The following LHX6 variants were observed in gnomAD, a reference collection of about 807,000 sequenced individuals.
LHX6 encodes LIM homeobox 6, also known as LIM/homeobox protein Lhx6.
LHX6 carries 15 observed loss-of-function variants against 47.1 expected under a neutral mutation model. The observed-to-expected ratio is 0.32, with a 90% confidence interval of 0.21 to 0.49. LHX6 has a LOEUF of 0.49. Ranked by LOEUF, LHX6 falls within the 20% of genes least tolerant of loss-of-function variation. The pLI is 0.99. For synonymous variants in LHX6, 242 were observed against 233.5 expected (o/e 1.04, Z -0.33); for missense variants, 404 against 539.6 (o/e 0.75, Z 2.49).
At chr9:122,204,920 C>T (rs758298461) in intron 9 of LHX6, 140 bp from the exon 10 acceptor site, 4 of 518,848 alleles carry the variant, frequency 7.7e-6, no homozygotes, top group Non-Finnish European at 6.6e-6. Context: ...TGTCAACTGA[C>T]TTGCTGTGGG....
Position 122,213,962 on chromosome 9 carries a change from C to T in LHX6, c.879+12G>A, listed in dbSNP as rs749412618. 1.2e-5 allele frequency: 19 copies of T among 1,572,376 alleles called. No individual in the cohort carries two copies. The highest frequency in any genetic ancestry group is 1.6e-5 in the Non-Finnish European group (18 of 1,154,970). The stretch of plus-strand genomic sequence containing the variant: ...GCCCGCGGTCCCCAGGCCCCGCCCA[C>T]CCCCGTCCCACCTGGATGACTCTCC... On this transcript the variant is annotated intron_variant, in intron 7 of 9. Transcript: ENST00000394319. This position sits in a 1 kb window ranked among gnomAD's most constrained non-coding sequence, Gnocchi z 5.5.
At chr9:122,212,509 C>G (rs867846755) in intron 8 of LHX6, among the ~76,000 whole-genome samples, 3 of 152,162 alleles carry the variant, frequency 2.0e-5, no homozygotes, top group Non-Finnish European at 4.4e-5. Context: ...CTGTGTGCAT[C>G]GCAGTCATTT....
chr9:122,206,557 A>T (rs1159539177), intron 9 of LHX6, among the ~76,000 whole-genome samples: 1 of 152,218 alleles, frequency 6.6e-6, no homozygotes, highest in Non-Finnish European at 1.5e-5. Context: ...CAGCCCAGCA[A>T]GGGAAAACTC....
intron 1 of LHX6, 192 bp from the exon 2 acceptor site, chr9:122,227,672 G>T: frequency 8.0e-7 from 1 of 1,254,920 alleles, no homozygotes; most frequent in East Asian, 3.1e-5. Flanking sequence ...AATTTGGATT[G>T]GATTTTTTCC....
Position 122,214,529 on chromosome 9 carries a change from G to A in LHX6, c.683-146C>T, listed in dbSNP as rs1830525895. On this transcript the variant is annotated intron_variant, in intron 5 of 9. Coordinates refer to ENST00000394319, the MANE Select transcript of LHX6 (RefSeq NM_014368.5). The surrounding 1 kb of genome is among the most constrained non-coding windows in gnomAD (Gnocchi z 4.6). ...GGGATCCCAGGGTCCTAGTCCCTGA[G>A]CTCAGTCTTTGGGGAAGGGGTTTCT... 4.2e-6 allele frequency: 5 copies of A among 1,197,306 alleles called. No individual in the cohort carries two copies. The highest frequency in any genetic ancestry group is 5.5e-6 in the Non-Finnish European group (5 of 906,250). 74.2% of individuals were successfully genotyped at this position (1,197,306 alleles called of 1,614,324 possible).
chr9:122,213,648 G>C lies in LHX6; in HGVS notation c.1012C>G (p.Pro338Ala), dbSNP rs769359783. 5 of 1,609,722 alleles carry C rather than the reference G, an allele frequency of 3.1e-6. No individual in the cohort carries two copies. Among genetic ancestry groups the C allele is most frequent in the Non-Finnish European group, 3.4e-6 (4 of 1,178,406 alleles). ...AGGGTGACCATGCGCGCCCGCTCGGGGCTGCTGAACGGGGTGTAGTGGATG... is the reference window on the plus strand; with the variant it reads ...AGGGTGACCATGCGCGCCCGCTCGGCGCTGCTGAACGGGGTGTAGTGGATG... ...DDIHYTPFSS[P>A]ERARMVTLHG... The change falls in exon 8 of 10, where the codon CCC becomes GCC. Residue 338 changes from proline (P) to alanine (A), a missense_variant. Transcript: ENST00000394319. The surrounding 1 kb of genome is among the most constrained non-coding windows in gnomAD (Gnocchi z 5.5).
rs774502616 is a variant in LHX6, at chr9:122,213,900, C to A, written c.879+74G>T. 1 of 1,525,470 alleles carries A rather than the reference C, an allele frequency of 6.6e-7. No homozygotes were observed. The highest frequency in any genetic ancestry group is 8.9e-7 in the Non-Finnish European group (1 of 1,124,916). 94.5% of individuals were successfully genotyped at this position (1,525,470 alleles called of 1,614,324 possible). ...GAAGGATGGCCACGTGCACGCACCACCCTCCGCGCCGAGCCCAGCTACGAG... is the reference window on the plus strand; with the variant it reads ...GAAGGATGGCCACGTGCACGCACCAACCTCCGCGCCGAGCCCAGCTACGAG... On this transcript the variant is annotated intron_variant, in intron 7 of 9. Transcript: ENST00000394319. The surrounding 1 kb of genome is among the most constrained non-coding windows in gnomAD (Gnocchi z 5.5).
chr9:122,227,346 C>G, intron 2 of LHX6, 63 bp downstream of exon 2: 6 of 1,406,452 alleles, frequency 4.3e-6, no homozygotes, highest in Non-Finnish European at 4.7e-6. Context: ...GAAAACCTGG[C>G]CAGGTCCCCA....
Position 122,228,654 on chromosome 9 carries a change from C to T in LHX6, c.84+3G>A, listed in dbSNP as rs1414376489. On this transcript the variant is annotated splice_donor_region_variant and intron_variant, in intron 1 of 9. Coordinates refer to ENST00000394319, the MANE Select transcript of LHX6 (RefSeq NM_014368.5). ...CCGCTCACCCAGTCGTTCGCCGGCT[C>T]ACCTGGTCGGTGGCGGGGCCGCCCT... 2.1e-5 allele frequency: 27 copies of T among 1,302,122 alleles called. No homozygotes were observed. The highest frequency in any genetic ancestry group is 2.5e-5 in the Non-Finnish European group (26 of 1,028,036). The allele number at this position is 1,302,122 out of a possible 1,614,324, so 80.7% of individuals were successfully genotyped here.
At chr9:122,209,150 A>C (rs1830304335) in intron 9 of LHX6, among the ~76,000 whole-genome samples, 1 of 152,250 alleles carries the variant, frequency 6.6e-6, no homozygotes, top group Non-Finnish European at 1.5e-5. Context: ...CTAAAGCCTG[A>C]GACAACCAGA....
At chr9:122,221,565 C>T (rs1192991649) in intron 4 of LHX6, 1 of 985,660 alleles carries the variant, frequency 1.0e-6, no homozygotes, top group Non-Finnish European at 1.2e-6. Flanking sequence ...CTCACTGAAC[C>T]CCCACCCCCA....
In LHX6 at chr9:122,214,629, C is replaced by G. The variant is rs1378061488; in HGVS notation, c.683-246G>C. On this transcript the variant is annotated intron_variant, in intron 5 of 9. Coordinates refer to ENST00000394319, the MANE Select transcript of LHX6 (RefSeq NM_014368.5). This position sits in a 1 kb window ranked among gnomAD's most constrained non-coding sequence, Gnocchi z 4.6. Reference sequence around the variant, plus strand: ...ACAGCCCTAAGGAGAGGTGGCGTTACCTCATTATACATGGGAGGAAACTGA... The same window carrying G: ...ACAGCCCTAAGGAGAGGTGGCGTTAGCTCATTATACATGGGAGGAAACTGA... Among the ~76,000 whole-genome samples the G allele has an allele frequency of 6.6e-6, 1 of 152,058 alleles. No individual in the cohort carries two copies. The highest frequency in any genetic ancestry group is 2.4e-5 in the African/African-American group (1 of 41,382).
In LHX6 at chr9:122,213,221, C is replaced by G. The variant is rs1359236393; in HGVS notation, c.1054+385G>C. On this transcript the variant is annotated intron_variant, in intron 8 of 9. Coordinates refer to ENST00000394319, the MANE Select transcript of LHX6 (RefSeq NM_014368.5). This position sits in a 1 kb window ranked among gnomAD's most constrained non-coding sequence, Gnocchi z 5.5. ...TCACTCCTACCCAGCACCTTTCCTA[C>G]AGGAATCATCCCACTTAAAACGACA... is the stretch of plus-strand genomic sequence containing the variant. Among the ~76,000 whole-genome samples, 1 of 152,088 alleles carries G rather than the reference C, an allele frequency of 6.6e-6. No individual in the cohort carries two copies. Among genetic ancestry groups the G allele is most frequent in the Non-Finnish European group, 1.5e-5 (1 of 68,016 alleles).
chr9:122,226,396 G>A lies in LHX6; in HGVS notation c.441C>T (p.Phe147=). 1 of 1,613,644 alleles carries A rather than the reference G, an allele frequency of 6.2e-7. No individual in the cohort carries two copies. The highest frequency in any genetic ancestry group is 8.5e-7 in the Non-Finnish European group (1 of 1,179,836). The part of the protein sequence containing the change: ...NSCYIKNKEI[F]CKMDYFSRFG... ...CCTACCTGAAGTAGTCCATCTTGCAGAAGATCTCCTTGTTCTTGATGTAGC... is the reference window on the plus strand; with the variant it reads ...CCTACCTGAAGTAGTCCATCTTGCAAAAGATCTCCTTGTTCTTGATGTAGC... The change falls in exon 4 of 10, where the codon TTC becomes TTT. Residue 147 remains phenylalanine, a synonymous_variant. Coordinates refer to ENST00000394319, the MANE Select transcript of LHX6 (RefSeq NM_014368.5). This position sits in a 1 kb window ranked among gnomAD's most constrained non-coding sequence, Gnocchi z 6.5.
At position 122,227,454 on chromosome 9, in the gene LHX6, G is replaced by A. The variant is rs1234320229; in HGVS notation, c.111C>T (p.Cys37=). Residue 37 remains cysteine (C), a synonymous_variant, in exon 2 of 10, where the codon TGC becomes TGT. Transcript: ENST00000394319. ...CTTCAAGACAGCGGGTGGTCGCTTT[G>A]CAGCCGGACCCTGGCTGGGCCATCA... is the stretch of plus-strand genomic sequence containing the variant. The part of the protein sequence containing the change: ...DQVMAQPGSG[C]KATTRCLEGT... 8 of 1,249,842 alleles carry A rather than the reference G, an allele frequency of 6.4e-6. No individual in the cohort carries two copies. The East Asian group carries it at 4.3e-4, about 67-fold the overall frequency. 77.4% of individuals were successfully genotyped at this position (1,249,842 alleles called of 1,614,324 possible). A position where few individuals can be genotyped will look rare whatever the true frequency, so the allele number is the denominator to read the frequency against.
chr9:122,210,623 A>C (rs577518275), intron 8 of LHX6, among the ~76,000 whole-genome samples: 7 of 152,258 alleles, frequency 4.6e-5, no homozygotes, highest in Admixed American at 4.6e-4. Flanking sequence ...GGGCAGCGGC[A>C]TCATCTCTGC....
intron 1 of LHX6, 193 bp downstream of exon 1, chr9:122,228,464 T>TA: frequency 7.0e-7 from 1 of 1,425,912 alleles, no homozygotes; most frequent in East Asian, 2.6e-5. Context: ...AACATTTGCA[T>TA]AATGTGTTCC....
intron 8 of LHX6, among the ~76,000 whole-genome samples, chr9:122,210,935 G>A (rs111374719): frequency 0.015 from 2,320 of 152,254 alleles, 51 homozygotes; most frequent in African/African-American, 0.053. Flanking sequence ...AGCTCCACGA[G>A]GGCAGGAATT....
chr9:122,206,689 G>A (rs1830193019), intron 9 of LHX6, among the ~76,000 whole-genome samples: 1 of 152,124 alleles, frequency 6.6e-6, no homozygotes, highest in Non-Finnish European at 1.5e-5. Context: ...CAACCAGGAG[G>A]CAAAGGCTCC....
Sources: gnomAD v4.1 joint callset for allele counts (sites outside exome capture counted in the v4.1 genomes callset) on GRCh38, gnomAD v4.1.1 for gene constraint, Gnocchi (gnomAD v3.1) non-coding constraint, MANE v1.5 for transcripts, NCBI Gene and HGNC (gene_info 2026-07-23, HGNC 2026-07-21) for gene names.